Variants in CNTNAP5 observed in about 807,000 individuals in gnomAD.
CNTNAP5 encodes the protein contactin associated protein family member 5.
A neutral mutation model predicts 150.2 loss-of-function variants in CNTNAP5; 72 were observed. The observed-to-expected ratio is 0.48, with a 90% CI of 0.40 to 0.58. The LOEUF is 0.58. Ranked by LOEUF, CNTNAP5 falls within the 20% of genes least tolerant of loss-of-function variation. The probability of loss-of-function intolerance (pLI) is 0.00; values close to 1 mark genes in which losing one functional copy is unlikely to be tolerated. For synonymous variants in CNTNAP5, 672 were observed against 619.8 expected, an observed-to-expected ratio of 1.08 and a Z score of -1.25; for missense variants, 1,636 against 1,626.2, an observed-to-expected ratio of 1.01 and a Z score of -0.10.
At chr2:124,645,082 T>C (rs2105024740) in intron 12 of CNTNAP5, among the ~76,000 whole-genome samples, 1 of 152,366 alleles carries the variant, frequency 6.6e-6, no homozygotes, top group South Asian at 2.1e-4. Flanking sequence ...TCCATCTTTA[T>C]TTCTCCCTCT....
intron 1 of CNTNAP5, among the ~76,000 whole-genome samples, chr2:124,068,680 C>T (rs73952588): frequency 0.014 from 2,099 of 151,694 alleles, 53 homozygotes; most frequent in African/African-American, 0.049. Flanking sequence ...GCACAACTCA[C>T]GGCAGTGAAA....
intron 3 of CNTNAP5, among the ~76,000 whole-genome samples, chr2:124,263,907 C>T (rs557731629): frequency 3.3e-5 from 5 of 152,234 alleles, no homozygotes; most frequent in African/African-American, 1.2e-4. Flanking sequence ...AATAGGGAAT[C>T]CTTTCCCCAT....
chr2:124,857,194 C>T (rs1677393258), intron 19 of CNTNAP5, among the ~76,000 whole-genome samples: 2 of 152,104 alleles, frequency 1.3e-5, no homozygotes, highest in Non-Finnish European at 2.9e-5. Context: ...ACTCGTGCAG[C>T]TCTACATTTT....
chr2:124,589,633 G>A (rs923615996), intron 11 of CNTNAP5, among the ~76,000 whole-genome samples: 3 of 152,160 alleles, frequency 2.0e-5, no homozygotes, highest in Admixed American at 1.3e-4. Context: ...GCACTGTGAG[G>A]TTCTGTGTAC....
intron 3 of CNTNAP5, among the ~76,000 whole-genome samples, chr2:124,280,183 T>A (rs966457703): frequency 4.7e-5 from 7 of 150,458 alleles, no homozygotes; most frequent in Non-Finnish European, 8.9e-5. Context: ...TATATATACA[T>A]TTTTTTTTAT....
intron 1 of CNTNAP5, among the ~76,000 whole-genome samples, chr2:124,188,495 G>A (rs534231792): frequency 2.0e-5 from 3 of 152,088 alleles, no homozygotes; most frequent in Admixed American, 6.5e-5. Context: ...CAAGGTGGGC[G>A]GATCATGAGG....
intron 16 of CNTNAP5, among the ~76,000 whole-genome samples, chr2:124,771,230 G>T (rs951377711): frequency 4.6e-5 from 7 of 152,108 alleles, no homozygotes; most frequent in African/African-American, 1.7e-4. Context: ...TCCTATTTTA[G>T]GGGGTAGAGG....
Position 124,837,455 on chromosome 2 carries a change from G to A in CNTNAP5, c.3218-27851G>A, listed in dbSNP as rs67449104. On this transcript the variant is annotated intron_variant, in intron 19 of 23. Coordinates refer to ENST00000682447, the MANE Select transcript of CNTNAP5 (RefSeq NM_001367498.1). ...TTAGTGAGTAAATTCCAACATTGGC[G>A]AAAATAATTCATTTCTTTTGCTACC... Among the ~76,000 whole-genome samples the A allele has an allele frequency of 8.2e-3, 1,247 of 152,166 alleles. 16 individuals carry two copies. The highest frequency in any genetic ancestry group is 0.012 in the Non-Finnish European group (840 of 67,978).
At chr2:124,785,011 G>A (rs1473784670) in intron 17 of CNTNAP5, among the ~76,000 whole-genome samples, 1 of 134,888 alleles carries the variant, frequency 7.4e-6, no homozygotes, top group Non-Finnish European at 1.5e-5. Flanking sequence ...CATTGCTCTG[G>A]TCCTCAAAGA....
chr2:124,638,319 A>G (rs1307474009), intron 12 of CNTNAP5, among the ~76,000 whole-genome samples: 1 of 151,804 alleles, frequency 6.6e-6, no homozygotes, highest in Non-Finnish European at 1.5e-5. Flanking sequence ...TATGCACACA[A>G]TCATTTCAGA....
chr2:124,461,967 G>GA (rs1035908936), intron 6 of CNTNAP5, among the ~76,000 whole-genome samples: 4 of 150,294 alleles, frequency 2.7e-5, no homozygotes, highest in African/African-American at 9.8e-5. Context: ...AGTTCACTAA[G>GA]AAAAAAAATA....
chr2:124,778,910 T>A lies in CNTNAP5; in HGVS notation c.2752+5893T>A, dbSNP rs551391320. On this transcript the variant is annotated intron_variant, in intron 17 of 23. Transcript: ENST00000682447. Reference sequence around the variant, plus strand: ...GGATGTGGATTCAAAGCTGCTTCAGTAGGGAAGGTGATTTTGTAGAAGAGG... The same window carrying A: ...GGATGTGGATTCAAAGCTGCTTCAGAAGGGAAGGTGATTTTGTAGAAGAGG... Among the ~76,000 whole-genome samples, 8 of 151,954 alleles carry A rather than the reference T, an allele frequency of 5.3e-5. No individual in the cohort carries two copies. In the South Asian group the frequency reaches 1.7e-3, roughly 32 times the overall value.
chr2:124,178,139 G>A lies in CNTNAP5; in HGVS notation c.83-43566G>A, dbSNP rs1011366517. Among the ~76,000 whole-genome samples, 16 of 152,208 alleles carry A rather than the reference G, an allele frequency of 1.1e-4. No individual in the cohort carries two copies. The South Asian group carries it at 3.3e-3, about 32-fold the overall frequency. On this transcript the variant is annotated intron_variant, in intron 1 of 23. Transcript: ENST00000682447. ...TGGGATTACAGACCTGAGCCACCATGCCCAGCCAATGGTTTACTTTTTTAT... is the reference window on the plus strand; with the variant it reads ...TGGGATTACAGACCTGAGCCACCATACCCAGCCAATGGTTTACTTTTTTAT...
At chr2:124,886,583 A>G (rs1678085700) in intron 21 of CNTNAP5, among the ~76,000 whole-genome samples, 1 of 152,072 alleles carries the variant, frequency 6.6e-6, no homozygotes, top group Non-Finnish European at 1.5e-5. Flanking sequence ...AAGAGAATTG[A>G]AACCCAATTT....
At chr2:124,533,403 T>C (rs1247423607) in intron 10 of CNTNAP5, among the ~76,000 whole-genome samples, 1 of 152,172 alleles carries the variant, frequency 6.6e-6, no homozygotes, top group East Asian at 1.9e-4. Flanking sequence ...TTCTAAGAAA[T>C]TCGTGTGTGA....
rs185576743 is a variant in CNTNAP5, at chr2:124,179,407, G to A, written c.83-42298G>A. ...ACTCCTGACCTTAGGTGATCTGCCC[G>A]CCTTGACCTCTTAAAGTGCTGGGAT... On this transcript the variant is annotated intron_variant, in intron 1 of 23. Transcript: ENST00000682447. Among the ~76,000 whole-genome samples, 71 of 152,164 alleles carry A rather than the reference G, an allele frequency of 4.7e-4. 2 individuals are homozygous for A. The East Asian group carries it at 8.9e-3, about 19-fold the overall frequency.
At chr2:124,043,655 G>T (rs1248217450) in intron 1 of CNTNAP5, among the ~76,000 whole-genome samples, 3 of 152,124 alleles carry the variant, frequency 2.0e-5, no homozygotes, top group East Asian at 3.9e-4. Flanking sequence ...ATCCTGATTT[G>T]TGCTTACCAA....
chr2:124,523,550 A>G (rs1454465494), intron 8 of CNTNAP5, among the ~76,000 whole-genome samples: 6 of 152,220 alleles, frequency 3.9e-5, no homozygotes, highest in Non-Finnish European at 1.5e-5. Context: ...AGGGTACAGC[A>G]AAGACAGCTG....
intron 5 of CNTNAP5, among the ~76,000 whole-genome samples, chr2:124,437,275 T>C (rs899148901): frequency 6.6e-6 from 1 of 152,118 alleles, no homozygotes; most frequent in African/African-American, 2.4e-5. Context: ...CACTCCTGAC[T>C]CCTCCATGAT....
Sources: allele counts gnomAD v4.1 joint callset (sites outside exome capture counted in the v4.1 genomes callset), GRCh38; gene constraint gnomAD v4.1.1; transcripts MANE v1.5; gene names NCBI Gene and HGNC (gene_info 2026-07-23, HGNC 2026-07-21).